The following ZNF287 variants were observed in gnomAD, a reference collection of about 807,000 sequenced individuals.
The protein encoded by ZNF287 is zinc finger protein with KRAB and SCAN domains 13.
A neutral mutation model predicts 73.7 loss-of-function variants in ZNF287; 31 were observed. The observed-to-expected ratio is 0.42, with a 90% CI of 0.32 to 0.57. ZNF287 has a LOEUF of 0.57. ZNF287 is among the 20% of genes least tolerant of loss of function. ZNF287 has a pLI of 0.13. For synonymous variants in ZNF287, 301 were observed against 307.2 expected, an observed-to-expected ratio of 0.98 and a Z score of 0.21; for missense variants, 641 against 909.3, an observed-to-expected ratio of 0.70 and a Z score of 3.79.
chr17:16,566,453 T>C (rs556748382), intron 3 of ZNF287, 72 bp downstream of exon 3: 233 of 1,284,016 alleles, frequency 1.8e-4, no homozygotes, highest in Non-Finnish European at 2.1e-4. Context: ...ACAGTAGTTA[T>C]AGGGCCAGGT....
At chr17:16,560,046 G>C (rs1026674263) in intron 5 of ZNF287, among the ~76,000 whole-genome samples, 8 of 151,376 alleles carry the variant, frequency 5.3e-5, no homozygotes, top group African/African-American at 1.9e-4. Context: ...TCCACCTCCC[G>C]AGTTCAAGCG....
rs931708758 is a variant in ZNF287 at position 16,551,042 on chromosome 17, T to C, written c.*814A>G. Among the ~76,000 whole-genome samples, 1 of 152,186 alleles carries C rather than the reference T, an allele frequency of 6.6e-6. No homozygotes were observed. The highest frequency in any genetic ancestry group is 2.4e-5 in the African/African-American group (1 of 41,448). The stretch of plus-strand genomic sequence containing the variant: ...TCTTTCATTAAGCTTCTCTTTAATA[T>C]TTCCATATCTGAGGGAAGGTGTAAC... On this transcript the variant is annotated 3_prime_UTR_variant, in exon 6 of 6. Transcript: ENST00000395825.
chr17:16,557,566 C>G (rs1907154729), intron 5 of ZNF287, among the ~76,000 whole-genome samples: 1 of 152,088 alleles, frequency 6.6e-6, no homozygotes, highest in Non-Finnish European at 1.5e-5. Context: ...ATTCAACTTA[C>G]TATATCTCTG....
chr17:16,548,502 A>G lies in ZNF287; in HGVS notation c.*3354T>C, dbSNP rs1374762825. Among the ~76,000 whole-genome samples, 1 of 152,120 alleles carries G rather than the reference A, an allele frequency of 6.6e-6. No individual in the cohort carries two copies. Among genetic ancestry groups the G allele is most frequent in the Non-Finnish European group, 1.5e-5 (1 of 68,012 alleles). On this transcript the variant is annotated 3_prime_UTR_variant, in exon 6 of 6. Transcript: ENST00000395825. ...TTCAAGACAACTGACCTGCTCTCTT[A>G]AAGAGGAAAAACTGTCCGGGCGCGG...
rs530788212 is a variant in ZNF287, at chr17:16,547,027, T to C, written c.*4829A>G. 2.6e-5 allele frequency among the ~76,000 whole-genome samples: 4 copies of C among 152,276 alleles called. No individual in the cohort carries two copies. The highest frequency in any genetic ancestry group is 9.6e-5 in the African/African-American group (4 of 41,546). The stretch of plus-strand genomic sequence containing the variant: ...CTAATAATTATGAAAGATAGAGCCA[T>C]GGGGAGAACAGAAACAGAGGAGTAA... On this transcript the variant is annotated 3_prime_UTR_variant, in exon 6 of 6. Coordinates refer to ENST00000395825, the MANE Select transcript of ZNF287 (RefSeq NM_020653.4).
intron 5 of ZNF287, among the ~76,000 whole-genome samples, chr17:16,557,800 C>T (rs551444523): frequency 6.6e-6 from 1 of 152,280 alleles, no homozygotes; most frequent in East Asian, 1.9e-4. Flanking sequence ...CAGAGGACTA[C>T]ACACTATGTA....
intron 3 of ZNF287, among the ~76,000 whole-genome samples, chr17:16,566,283 T>C (rs1201067005): frequency 6.6e-6 from 1 of 152,142 alleles, no homozygotes; most frequent in Non-Finnish European, 1.5e-5. Flanking sequence ...AATCTCGTAT[T>C]CTCTATGTGA....
chr17:16,553,519 C>A lies in ZNF287; in HGVS notation c.716-93G>T, dbSNP rs976901429. ...AAAGAATAAACATAGATAAAATGCC[C>A]AAAGACAACAGCTCTGAAAACCTCA... On this transcript the variant is annotated intron_variant, in intron 5 of 5. Coordinates refer to ENST00000395825, the MANE Select transcript of ZNF287 (RefSeq NM_020653.4). 1.6e-5 allele frequency: 16 copies of A among 1,012,974 alleles called. 1 individual carries two copies. The highest frequency in any genetic ancestry group is 1.9e-5 in the Non-Finnish European group (14 of 745,760). The allele number at this position is 1,012,974 out of a possible 1,614,324, so 62.7% of individuals were successfully genotyped here.
chr17:16,548,427 G>A lies in ZNF287; in HGVS notation c.*3429C>T, dbSNP rs867526015. 6.6e-4 allele frequency among the ~76,000 whole-genome samples: 101 copies of A among 152,174 alleles called. No individual in the cohort carries two copies. The highest frequency in any genetic ancestry group is 2.4e-3 in the African/African-American group (98 of 41,496). On this transcript the variant is annotated 3_prime_UTR_variant, in exon 6 of 6. Coordinates refer to ENST00000395825, the MANE Select transcript of ZNF287 (RefSeq NM_020653.4). ...ATTTATGGAAACTACAGGGGGTACC[G>A]GAACAACCCACATGTAAATAATCAG...
intron 4 of ZNF287, 29 bp downstream of exon 4, chr17:16,563,670 G>A (rs199574505): frequency 1.4e-4 from 230 of 1,604,848 alleles, no homozygotes; most frequent in African/African-American, 9.2e-4. Context: ...GAACAGGCTC[G>A]GAGGAGGAGG....
At position 16,552,523 on chromosome 17, in the gene ZNF287, T is replaced by G. The variant is rs763903357; in HGVS notation, c.1619A>C (p.Glu540Ala). 30 of 1,614,148 alleles carry G rather than the reference T, an allele frequency of 1.9e-5. No individual in the cohort carries two copies. The highest frequency in any genetic ancestry group is 2.3e-5 in the Non-Finnish European group (27 of 1,179,982). ...ACTCTGACTAAACACTTTCCAACAT[T>G]CATTGCATTTATATGGTTTCTTCCC... Reference protein sequence around the residue: ...HTGKKPYKCNECWKVFSQSTY... With the variant: ...HTGKKPYKCNACWKVFSQSTY... The change falls in exon 6 of 6, where the codon GAA becomes GCA. Residue 540 changes from glutamate to alanine, a missense_variant. By Grantham distance (107) the Glu-to-Ala change is moderately radical. Transcript: ENST00000395825. The surrounding 1 kb of genome is among the most constrained non-coding windows in gnomAD (Gnocchi z 6.5).
At position 16,549,765 on chromosome 17, in the gene ZNF287, C is replaced by A. The variant is rs1334567884; in HGVS notation, c.*2091G>T. 6.6e-6 allele frequency among the ~76,000 whole-genome samples: 1 copy of A among 152,154 alleles called. No individual in the cohort carries two copies. The highest frequency in any genetic ancestry group is 1.5e-5 in the Non-Finnish European group (1 of 68,024). On this transcript the variant is annotated 3_prime_UTR_variant, in exon 6 of 6. Coordinates refer to ENST00000395825, the MANE Select transcript of ZNF287 (RefSeq NM_020653.4). ...GATATTTATAGCACCAGAATTGATA[C>A]CAATTTCCCCTCATTTAGCTCAGGA...
rs775521818 is a variant in ZNF287 at position 16,552,831 on chromosome 17, T to G, written c.1311A>C (p.Ala437=). 5 of 1,614,074 alleles carry G rather than the reference T, an allele frequency of 3.1e-6. No individual in the cohort carries two copies. The highest frequency in any genetic ancestry group is 3.4e-6 in the Non-Finnish European group (4 of 1,180,028). ...HQCGKAFSQR[A]HLTIHQRIHT... is the part of the protein sequence containing the mutation. ...GAATTCTCTGATGTATAGTAAGGTG[T>G]GCACGCTGGCTGAAGGCTTTACCAC... The change falls in exon 6 of 6, where the codon GCA becomes GCC. Residue 437 remains alanine (A), a synonymous_variant. Coordinates refer to ENST00000395825, the MANE Select transcript of ZNF287 (RefSeq NM_020653.4). This position sits in a 1 kb window ranked among gnomAD's most constrained non-coding sequence, Gnocchi z 6.5.
chr17:16,562,626 T>A (rs1907514342), intron 5 of ZNF287, among the ~76,000 whole-genome samples: 1 of 151,998 alleles, frequency 6.6e-6, no homozygotes, highest in Non-Finnish European at 1.5e-5. Flanking sequence ...GACATTTATA[T>A]ATATTTATAT....
intron 5 of ZNF287, among the ~76,000 whole-genome samples, chr17:16,559,572 A>AACACACACACACACACACACACACACAC (rs148356389): frequency 2.7e-5 from 4 of 147,388 alleles, no homozygotes; most frequent in African/African-American, 1.0e-4. Flanking sequence ...TAAAAGAACT[A>AACACACACACACACACACACACACACAC]ACACACACAC....
intron 5 of ZNF287, chr17:16,558,392 G>C (rs562775342): frequency 6.6e-6 from 1 of 152,090 alleles, no homozygotes; most frequent in South Asian, 2.1e-4. Flanking sequence ...GCTCTCCCGG[G>C]ATCAAGTTAT....
At position 16,552,373 on chromosome 17, in the gene ZNF287, T is replaced by G. The variant is rs78436090; in HGVS notation, c.1769A>C (p.Lys590Thr). Residue 590 changes from lysine to threonine, a missense_variant, in exon 6 of 6, where the codon AAA (lysine) becomes ACA (threonine). Lys to Thr is a moderately conservative substitution (Grantham distance 78, BLOSUM62 -1). Coordinates refer to ENST00000395825, the MANE Select transcript of ZNF287 (RefSeq NM_020653.4). This position sits in a 1 kb window ranked among gnomAD's most constrained non-coding sequence, Gnocchi z 6.5. ...CCCACATATATTACATATATAGGAT[T>G]TCTCTCCAGTGTGAGTGGTTTGATG... ...IQHQTTHTGEKSYICNICGKA... is the reference protein window; with the variant it reads ...IQHQTTHTGETSYICNICGKA... 1 of 1,614,066 alleles carries G rather than the reference T, an allele frequency of 6.2e-7. No homozygotes were observed. The highest frequency in any genetic ancestry group is 1.1e-5 in the South Asian group (1 of 91,080).
In ZNF287 at chr17:16,551,708, T is replaced by C. The variant is rs570039684; in HGVS notation, c.*148A>G. 7.9e-5 allele frequency: 61 copies of C among 767,512 alleles called. 1 individual carries two copies. In the South Asian group the frequency reaches 1.2e-3, roughly 15 times the overall value. The allele number at this position is 767,512 out of a possible 1,614,324, so 47.5% of individuals were successfully genotyped here. On this transcript the variant is annotated 3_prime_UTR_variant, in exon 6 of 6. Coordinates refer to ENST00000395825, the MANE Select transcript of ZNF287 (RefSeq NM_020653.4). ...AAATTTCACATTAAATCTAAATAGG[T>C]TATATCCATACCACTACTTCTGATA...
At position 16,552,241 on chromosome 17, in the gene ZNF287, T is replaced by C; in HGVS notation, c.1901A>G (p.His634Arg). 1 of 1,614,060 alleles carries C rather than the reference T, an allele frequency of 6.2e-7. No individual in the cohort carries two copies. Among genetic ancestry groups the C allele is most frequent in the East Asian group, 2.2e-5 (1 of 44,870 alleles). The change falls in exon 6 of 6, where the codon CAC (histidine) becomes CGC (arginine). Residue 634 changes from histidine to arginine, a missense_variant. Physicochemically the swap from His to Arg is conservative, Grantham distance 29. This residue lies in a region of ZNF287 where 284 missense variants were observed against 466.8 expected (regional missense o/e 0.61). Coordinates refer to ENST00000395825, the MANE Select transcript of ZNF287 (RefSeq NM_020653.4). The surrounding 1 kb of genome is among the most constrained non-coding windows in gnomAD (Gnocchi z 6.5). ...VCGKAFSQSV[H>R]LTQHQRIHNG... ...ATGAATCCTCTGATGTTGAGTAAGG[T>C]GCACACTCTGGCTGAATGCTTTCCC... is the stretch of plus-strand genomic sequence containing the variant.
Sources: allele counts gnomAD v4.1 joint callset (sites outside exome capture counted in the v4.1 genomes callset), GRCh38; gene constraint gnomAD v4.1.1; regional missense constraint gnomAD v4.1.1; non-coding constraint Gnocchi (gnomAD v3.1); transcripts MANE v1.5; gene names NCBI Gene and HGNC (gene_info 2026-07-23, HGNC 2026-07-21).